SHPRH: variants seen among roughly 807,000 people sequenced by gnomAD.
SHPRH encodes the protein SNF2 histone linker PHD RING helicase, also known as E3 ubiquitin-protein ligase SHPRH.
A neutral mutation model predicts 202.5 loss-of-function variants in SHPRH; 106 were observed. That is an observed-to-expected ratio of 0.52 (90% CI 0.45 to 0.62). The LOEUF (loss-of-function observed/expected upper bound fraction) is 0.62. Among genes scored for constraint, SHPRH ranks in the 20% least tolerant of loss-of-function variants. The probability of loss-of-function intolerance (pLI) is 0.00; values close to 1 mark genes in which losing one functional copy is unlikely to be tolerated. For missense variants in SHPRH, 1,710 were observed against 2,020.0 expected, an observed-to-expected ratio of 0.85 and a Z score of 2.94; for synonymous variants, 729 against 686.0, an observed-to-expected ratio of 1.06 and a Z score of -0.98.
At chr6:145,883,900 G>C (rs1583284705), downstream of SHPRH, 1 of 152,046 alleles carries the variant, frequency 6.6e-6, no homozygotes, top group East Asian at 1.9e-4. Flanking sequence ...TAGAAAAATT[G>C]AAAGATACCT....
intron 2 of SHPRH, among the ~76,000 whole-genome samples, chr6:145,874,494 A>G (rs1780211744): frequency 6.6e-6 from 1 of 152,162 alleles, no homozygotes; most frequent in Admixed American, 6.5e-5. Flanking sequence ...TTATTAAGGT[A>G]TAATTGACAT....
chr6:145,932,292 A>G (rs1785547795), intron 14 of SHPRH, among the ~76,000 whole-genome samples: 1 of 152,184 alleles, frequency 6.6e-6, no homozygotes, highest in Non-Finnish European at 1.5e-5. Context: ...AGATAGAGTA[A>G]CAGACAATGG....
chr6:145,858,483 C>T, the SHPRH span, among the ~76,000 whole-genome samples: 1 of 151,880 alleles, frequency 6.6e-6, no homozygotes, highest in East Asian at 1.9e-4. Context: ...TGTTTGATTC[C>T]ATTTATATAG....
At chr6:145,946,912 C>T (rs1390422809) in intron 6 of SHPRH, among the ~76,000 whole-genome samples, 2 of 151,858 alleles carry the variant, frequency 1.3e-5, no homozygotes, top group Non-Finnish European at 2.9e-5. Flanking sequence ...AATGTAAGGG[C>T]TGATTTCAGA....
intron 9 of SHPRH, 96 bp downstream of exon 9, chr6:145,943,043 AGTTT>A: frequency 7.6e-7 from 1 of 1,323,768 alleles, no homozygotes; most frequent in Non-Finnish European, 1.0e-6. Flanking sequence ...TCATTCAGTT[AGTTT>A]TGAGGATAAA....
At chr6:145,928,664 G>A (rs1785123421) in intron 14 of SHPRH, among the ~76,000 whole-genome samples, 1 of 151,874 alleles carries the variant, frequency 6.6e-6, no homozygotes, top group South Asian at 2.1e-4. Context: ...CTTTTTAAGT[G>A]TGTAGTTCAG....
At chr6:145,930,949 T>C (rs904386965) in intron 14 of SHPRH, among the ~76,000 whole-genome samples, 2 of 152,204 alleles carry the variant, frequency 1.3e-5, no homozygotes, top group African/African-American at 4.8e-5. Flanking sequence ...ACACCCTTTA[T>C]CCTTGGTAAT....
At chr6:145,866,383 C>T (rs189948267) in intron 2 of SHPRH, among the ~76,000 whole-genome samples, 123 of 152,308 alleles carry the variant, frequency 8.1e-4, no homozygotes, top group Admixed American at 1.4e-3. Flanking sequence ...TAATAACTCT[C>T]TTATCCTCCT....
intron 6 of SHPRH, 104 bp downstream of exon 6, chr6:145,947,389 G>T: frequency 7.7e-7 from 1 of 1,293,908 alleles, no homozygotes; most frequent in Non-Finnish European, 1.1e-6. Flanking sequence ...TACCCACAGA[G>T]TGAACAGAAA....
chr6:145,945,373 T>G lies in SHPRH; in HGVS notation c.1578+8A>C. On this transcript the variant is annotated splice_region_variant and intron_variant, in intron 8 of 29. Transcript: ENST00000275233. Reference sequence around the variant, plus strand: ...ACTTAATATAGAGCTGAACTTAAGCTCTGTTACCTGCTTTTTTGTTTTATC... The same window carrying G: ...ACTTAATATAGAGCTGAACTTAAGCGCTGTTACCTGCTTTTTTGTTTTATC... The G allele has an allele frequency of 6.2e-7, 1 of 1,604,964 alleles. No homozygotes were observed. The highest frequency in any genetic ancestry group is 8.5e-7 in the Non-Finnish European group (1 of 1,176,438).
intron 1 of SHPRH, among the ~76,000 whole-genome samples, chr6:145,957,550 A>T (rs1788634022): frequency 6.6e-6 from 1 of 152,176 alleles, no homozygotes; most frequent in Admixed American, 6.5e-5. Flanking sequence ...TTTTGAATAG[A>T]CATTTCACCA....
chr6:145,894,729 TA>T (rs1403543067), intron 26 of SHPRH, among the ~76,000 whole-genome samples, 155 bp downstream of exon 26: 1 of 152,084 alleles, frequency 6.6e-6, no homozygotes, highest in African/African-American at 2.4e-5. Context: ...CACATTTCTC[TA>T]AAAATAATTC....
intron 16 of SHPRH, 71 bp downstream of exon 16, chr6:145,926,133 T>G: frequency 7.9e-7 from 1 of 1,261,196 alleles, no homozygotes; most frequent in South Asian, 1.2e-5. Flanking sequence ...TGTCCTAGGA[T>G]ATATCAACTA....
chr6:145,933,671 G>A (rs1354205005), intron 13 of SHPRH, among the ~76,000 whole-genome samples: 1 of 152,076 alleles, frequency 6.6e-6, no homozygotes, highest in Non-Finnish European at 1.5e-5. Flanking sequence ...TATATCTTTT[G>A]AAATTTACTA....
chr6:145,929,888 A>G (rs1785253238), intron 14 of SHPRH, among the ~76,000 whole-genome samples: 1 of 152,134 alleles, frequency 6.6e-6, no homozygotes, highest in Non-Finnish European at 1.5e-5. Flanking sequence ...TCATATTACC[A>G]TAACCAATAA....
chr6:145,861,846 C>T (rs1370068667), downstream of SHPRH, among the ~76,000 whole-genome samples: 1 of 152,138 alleles, frequency 6.6e-6, no homozygotes, highest in African/African-American at 2.4e-5. Flanking sequence ...AGGAAATTCT[C>T]CTATCTGTGA....
chr6:145,950,020 T>G (rs1034834685), intron 4 of SHPRH, among the ~76,000 whole-genome samples: 5 of 152,112 alleles, frequency 3.3e-5, no homozygotes, highest in Admixed American at 3.3e-4. Context: ...AAAATTCCAA[T>G]TGAGGCAGGA....
chr6:145,867,905 C>T (rs1175768374), intron 2 of SHPRH, among the ~76,000 whole-genome samples: 1 of 151,910 alleles, frequency 6.6e-6, no homozygotes, highest in Non-Finnish European at 1.5e-5. Flanking sequence ...ATACAGATAC[C>T]TCCACAAAAA....
chr6:145,927,475 C>A, intron 14 of SHPRH, 198 bp from the exon 15 acceptor site: 2 of 413,856 alleles, frequency 4.8e-6, no homozygotes, highest in Non-Finnish European at 4.3e-6. Context: ...TTTTTTAATT[C>A]CATGGAATAT....
Sources: allele counts gnomAD v4.1 joint callset (sites outside exome capture counted in the v4.1 genomes callset), GRCh38; gene constraint gnomAD v4.1.1; transcripts MANE v1.5; gene names NCBI Gene and HGNC (gene_info 2026-07-23, HGNC 2026-07-21).